The following HOOK3 variants were observed in gnomAD, a reference collection of about 807,000 sequenced individuals.
HOOK3 encodes the protein protein Hook homolog 3.
HOOK3 carries 24 observed loss-of-function variants against 116.3 expected under a neutral mutation model. That is an observed-to-expected ratio of 0.21 (90% CI 0.15 to 0.29). The LOEUF is 0.29. Among genes scored for constraint, HOOK3 ranks in the 10% least tolerant of loss-of-function variants. The pLI is 1.00. For synonymous variants in HOOK3, 275 were observed against 283.0 expected (o/e 0.97, Z 0.28); for missense variants, 632 against 830.2 (o/e 0.76, Z 2.93).
chr8:42,908,302 A>T (rs1402540802), intron 2 of HOOK3, among the ~76,000 whole-genome samples: 1 of 152,256 alleles, frequency 6.6e-6, no homozygotes, highest in Admixed American at 6.5e-5. Context: ...TTTCACAGAA[A>T]TAAGAAACAA....
At chr8:42,919,507 C>T (rs1392120822) in intron 2 of HOOK3, among the ~76,000 whole-genome samples, 1 of 151,016 alleles carries the variant, frequency 6.6e-6, no homozygotes, top group African/African-American at 2.4e-5. Context: ...GATGGGCGGC[C>T]AGGCAGAGAC....
rs570397873 is a variant in HOOK3 at position 42,907,418 on chromosome 8, A to G, written c.143+1160A>G. Among the ~76,000 whole-genome samples the G allele has an allele frequency of 2.6e-5, 4 of 152,264 alleles. No individual in the cohort carries two copies. In the South Asian group the frequency reaches 8.3e-4, roughly 32 times the overall value. ...AAATGCATGGTACATTTTTCCAGAT[A>G]TATAGGCACACAGATTTTTTAATGA... On this transcript the variant is annotated intron_variant, in intron 2 of 21. Coordinates refer to ENST00000307602, the MANE Select transcript of HOOK3 (RefSeq NM_032410.4).
chr8:42,946,285 G>A (rs915742761), intron 5 of HOOK3, among the ~76,000 whole-genome samples: 5 of 152,134 alleles, frequency 3.3e-5, no homozygotes, highest in African/African-American at 1.2e-4. Flanking sequence ...CCTGGGTTTG[G>A]GGTCAGGGAA....
intron 15 of HOOK3, among the ~76,000 whole-genome samples, chr8:42,988,269 G>A (rs889561172): frequency 1.3e-5 from 2 of 152,146 alleles, no homozygotes; most frequent in Non-Finnish European, 2.9e-5. Flanking sequence ...CTGGCGGGTG[G>A]GCAGTCCCTC....
intron 1 of HOOK3, among the ~76,000 whole-genome samples, chr8:42,903,338 C>CTTTTTTTTGTTTTTTTTTT (rs1807232683): frequency 1.1e-5 from 1 of 87,588 alleles, no homozygotes; most frequent in African/African-American, 4.7e-5. Flanking sequence ...TAATAGTTGT[C>CTTTTTTTTGTTTTTTTTTT]TTTTTTTTTT....
At chr8:42,962,918 C>T (rs1476159830) in intron 8 of HOOK3, among the ~76,000 whole-genome samples, 2 of 150,934 alleles carry the variant, frequency 1.3e-5, no homozygotes. Flanking sequence ...TCTCTTGCCT[C>T]AGCCTCCTGA....
intron 19 of HOOK3, 44 bp downstream of exon 19, chr8:43,010,449 C>A: frequency 1.5e-6 from 1 of 653,684 alleles, no homozygotes; most frequent in African/African-American, 1.9e-5. Flanking sequence ...CTTCTGATCA[C>A]ATTTCAGTGA....
chr8:43,012,357 T>C (rs1204314319), intron 19 of HOOK3, among the ~76,000 whole-genome samples: 1 of 152,188 alleles, frequency 6.6e-6, no homozygotes, highest in Admixed American at 6.6e-5. Context: ...AGTTACACAA[T>C]GTTATTTTTG....
At chr8:42,910,209 T>A (rs1807396471) in intron 2 of HOOK3, among the ~76,000 whole-genome samples, 1 of 152,170 alleles carries the variant, frequency 6.6e-6, no homozygotes, top group Non-Finnish European at 1.5e-5. Context: ...ATGTAAATTT[T>A]GAAAATTTTT....
intron 13 of HOOK3, among the ~76,000 whole-genome samples, chr8:42,980,485 A>T (rs1443700085): frequency 6.6e-6 from 1 of 152,142 alleles, no homozygotes; most frequent in African/African-American, 2.4e-5. Context: ...TGAGGCCTTC[A>T]AGAGGTGATT....
In HOOK3 at chr8:43,028,364, AAAT is replaced by A. The variant is rs1809970765; in HGVS notation, c.*9871_*9873del. 1 of 182,262 alleles carries A rather than the reference AAAT, an allele frequency of 5.5e-6. No homozygotes were observed. Among genetic ancestry groups the A allele is most frequent in the Admixed American group, 6.3e-5 (1 of 15,964 alleles). The allele number at this position is 182,262 out of a possible 1,614,324, so 11.3% of individuals were successfully genotyped here. A position where few individuals can be genotyped will look rare whatever the true frequency, so the allele number is the denominator to read the frequency against. Reference sequence around the variant, plus strand: ...AAGCAAGACCCCTGTCTCTAAAAAAAAATAATATAAATTGATGTTATATAGTTA... The same window carrying A: ...AAGCAAGACCCCTGTCTCTAAAAAAAAATATAAATTGATGTTATATAGTTA... On this transcript the variant is annotated 3_prime_UTR_variant, in exon 22 of 22. Coordinates refer to ENST00000307602, the MANE Select transcript of HOOK3 (RefSeq NM_032410.4).
chr8:42,951,817 T>C (rs1808349618), intron 6 of HOOK3, among the ~76,000 whole-genome samples: 1 of 151,994 alleles, frequency 6.6e-6, no homozygotes, highest in African/African-American at 2.4e-5. Flanking sequence ...GGCACATGCC[T>C]GTAGTCCCAG....
Position 42,936,836 on chromosome 8 carries a change from T to C in HOOK3, c.268-6477T>C, listed in dbSNP as rs1009256343. Reference sequence around the variant, plus strand: ...TTTTCATCGATGTTCATCAGAGATATTGGCCTGAAATTTTCTTTTTTTCTT... The same window carrying C: ...TTTTCATCGATGTTCATCAGAGATACTGGCCTGAAATTTTCTTTTTTTCTT... On this transcript the variant is annotated intron_variant, in intron 4 of 21. Transcript: ENST00000307602. Among the ~76,000 whole-genome samples, 3 of 152,334 alleles carry C rather than the reference T, an allele frequency of 2.0e-5. 1 individual carries two copies. The highest frequency in any genetic ancestry group is 4.4e-5 in the Non-Finnish European group (3 of 68,040).
intron 16 of HOOK3, chr8:42,997,931 T>C (rs186204527): frequency 1.7e-4 from 49 of 281,458 alleles, no homozygotes; most frequent in Admixed American, 2.1e-4. Flanking sequence ...AGATGAAGTG[T>C]AGGGTTTTTC....
At chr8:42,898,415 C>G (rs1807101927) in intron 1 of HOOK3, among the ~76,000 whole-genome samples, 1 of 152,116 alleles carries the variant, frequency 6.6e-6, no homozygotes, top group African/African-American at 2.4e-5. Context: ...AAGGAGATGG[C>G]TTTCACTGCT....
intron 1 of HOOK3, among the ~76,000 whole-genome samples, chr8:42,903,459 T>C (rs2553744): frequency 6.7e-6 from 1 of 149,568 alleles, no homozygotes; most frequent in African/African-American, 2.4e-5. Flanking sequence ...ATTCTCCTGC[T>C]TCAGCCTCCC....
chr8:42,962,910 T>C (rs1187196647), intron 8 of HOOK3, among the ~76,000 whole-genome samples: 1 of 151,090 alleles, frequency 6.6e-6, no homozygotes, highest in Non-Finnish European at 1.5e-5. Context: ...CAAGCTATTC[T>C]CTTGCCTCAG....
intron 5 of HOOK3, among the ~76,000 whole-genome samples, chr8:42,947,980 T>A (rs1212833553): frequency 2.6e-5 from 4 of 152,156 alleles, no homozygotes; most frequent in Non-Finnish European, 5.9e-5. Context: ...TCAGTGCACA[T>A]TTGTCTTGGC....
At chr8:42,939,491 C>T (rs1434107344) in intron 4 of HOOK3, among the ~76,000 whole-genome samples, 2 of 141,390 alleles carry the variant, frequency 1.4e-5, no homozygotes, top group Non-Finnish European at 1.6e-5. Context: ...CGCCCCTCAC[C>T]TCCCGGACGG....
Sources: gnomAD v4.1 joint callset for allele counts (sites outside exome capture counted in the v4.1 genomes callset) on GRCh38, gnomAD v4.1.1 for gene constraint, MANE v1.5 for transcripts, NCBI Gene and HGNC (gene_info 2026-07-23, HGNC 2026-07-21) for gene names.